DENND10: variants seen among roughly 807,000 people sequenced by gnomAD.
DENND10 encodes the protein DENN domain-containing protein 10.
Under a neutral mutation model 43.6 loss-of-function variants are expected in DENND10, and 24 were observed. The observed-to-expected ratio is 0.55, with a 90% confidence interval of 0.40 to 0.77. DENND10 has a LOEUF of 0.77. Among genes scored for constraint, DENND10 ranks in the 30% least tolerant of loss-of-function variants. The pLI is 0.00. For synonymous variants in DENND10, 125 were observed against 157.6 expected (o/e 0.79, Z 1.55); for missense variants, 303 against 429.9 (o/e 0.70, Z 2.61).
intron 2 of DENND10, among the ~76,000 whole-genome samples, chr10:119,109,547 T>C (rs1472154860): frequency 2.6e-5 from 4 of 151,912 alleles, no homozygotes; most frequent in African/African-American, 9.7e-5. Context: ...AGCAGGAAGG[T>C]AACAATTTAG....
At chr10:119,122,747 C>T (rs768409062) in intron 5 of DENND10, among the ~76,000 whole-genome samples, 3 of 152,028 alleles carry the variant, frequency 2.0e-5, no homozygotes, top group South Asian at 2.1e-4. Flanking sequence ...ACTTGGTTTG[C>T]GAGTTTTACT....
At chr10:119,121,699 C>T (rs12355539) in intron 5 of DENND10, among the ~76,000 whole-genome samples, 80,899 of 151,342 alleles carry the variant, frequency 0.53, 21,980 homozygotes, top group Middle Eastern at 0.66. Flanking sequence ...GTAATCTGCC[C>T]GTCTCGGCCT....
chr10:119,136,635 G>A lies in DENND10; in HGVS notation c.1062G>A (p.Met354Ile). The change falls in exon 9 of 9, where the codon ATG becomes ATA. Residue 354 changes from methionine to isoleucine, a missense_variant. By Grantham distance (10) the Met-to-Ile change is conservative. Transcript: ENST00000361432. ...ATCATCTAGCAGCAGCCGAACAAAT[G>A]CTGAAAATCTGACTGTGTGACAGAA... The part of the protein sequence containing the change: ...FLYHLAAAEQ[M>I]LKI 6.7e-7 allele frequency: 1 copy of A among 1,499,040 alleles called. No individual in the cohort carries two copies. Among genetic ancestry groups the A allele is most frequent in the Non-Finnish European group, 9.0e-7 (1 of 1,110,146 alleles). The allele number at this position is 1,499,040 out of a possible 1,614,324, so 92.9% of individuals were successfully genotyped here. A position where few individuals can be genotyped will look rare whatever the true frequency, so the allele number is the denominator to read the frequency against.
At chr10:119,125,509 T>TC (rs1845788224) in intron 6 of DENND10, among the ~76,000 whole-genome samples, 1 of 123,762 alleles carries the variant, frequency 8.1e-6, no homozygotes, top group Non-Finnish European at 1.6e-5. Flanking sequence ...TTCTTTTTTT[T>TC]TTTTTTTTTT....
intron 7 of DENND10, among the ~76,000 whole-genome samples, chr10:119,131,884 T>C (rs10886398): frequency 0.64 from 96,900 of 152,104 alleles, 31,415 homozygotes; most frequent in African/African-American, 0.73. Flanking sequence ...GTGGCCATCT[T>C]CCTGCTGCCC....
At chr10:119,119,883 A>G (rs1183389752) in intron 4 of DENND10, among the ~76,000 whole-genome samples, 2 of 152,108 alleles carry the variant, frequency 1.3e-5, no homozygotes, top group East Asian at 3.9e-4. Flanking sequence ...CTGACATAGG[A>G]TAGATCTACT....
rs1845354344 is a variant in DENND10, at chr10:119,117,636, C to T, written c.450C>T (p.Ala150=). 2 of 1,613,802 alleles carry T rather than the reference C, an allele frequency of 1.2e-6. No individual in the cohort carries two copies. Among genetic ancestry groups the T allele is most frequent in the African/African-American group, 1.3e-5 (1 of 74,880 alleles). Residue 150 remains alanine, a synonymous_variant, in exon 4 of 9, where the codon GCC becomes GCT. Transcript: ENST00000361432. ...CTTTCCTTAGTAAGGATTTTGATGC[C>T]CGAAAGGCCTACCTGGCTGGCTCCA... ...NGSFLSKDFD[A]RKAYLAGSIK...
chr10:119,107,560 C>T (rs753821803), intron 1 of DENND10, among the ~76,000 whole-genome samples: 5 of 151,912 alleles, frequency 3.3e-5, no homozygotes, highest in Non-Finnish European at 7.4e-5. Context: ...TGCCCCACCA[C>T]ACCCGGATAA....
At chr10:119,105,961 T>C (rs1258193782) in intron 1 of DENND10, among the ~76,000 whole-genome samples, 1 of 152,126 alleles carries the variant, frequency 6.6e-6, no homozygotes, top group Non-Finnish European at 1.5e-5. Flanking sequence ...TTTGGGAGGC[T>C]GAGGCAGGTG....
chr10:119,131,457 C>CAAATAAAT (rs367708148), intron 7 of DENND10, among the ~76,000 whole-genome samples: 1 of 151,926 alleles, frequency 6.6e-6, no homozygotes, highest in Non-Finnish European at 1.5e-5. Flanking sequence ...GACTCTGTCT[C>CAAATAAAT]AAATAAATAA....
intron 1 of DENND10, chr10:119,105,362 T>C (rs1054216468): frequency 6.3e-5 from 11 of 173,508 alleles, no homozygotes; most frequent in Admixed American, 2.5e-4. Flanking sequence ...ATCATCGCTC[T>C]CTGCAGCCTC....
chr10:119,115,150 C>G (rs139382172), intron 3 of DENND10, among the ~76,000 whole-genome samples: 1 of 152,050 alleles, frequency 6.6e-6, no homozygotes, highest in Non-Finnish European at 1.5e-5. Flanking sequence ...GGAGAATATG[C>G]AGTGAAAACT....
At chr10:119,125,501 CTTTTTT>C (rs34630434) in intron 6 of DENND10, among the ~76,000 whole-genome samples, 39 of 65,848 alleles carry the variant, frequency 5.9e-4, no homozygotes, top group African/African-American at 1.9e-3. Flanking sequence ...TTCTAGTTTT[CTTTTTT>C]TTTTTTTTTT....
In DENND10 at chr10:119,132,206, T is replaced by C. The variant is rs112704631; in HGVS notation, c.803-309T>C. On this transcript the variant is annotated intron_variant, in intron 7 of 8. Transcript: ENST00000361432. This position sits in a 1 kb window ranked among gnomAD's most constrained non-coding sequence, Gnocchi z 4.2. Reference sequence around the variant, plus strand: ...CTCTTGGCTTATAGTCATGACTTAGTTGTAGTCAGAATTGTTCATTATGCT... The same window carrying C: ...CTCTTGGCTTATAGTCATGACTTAGCTGTAGTCAGAATTGTTCATTATGCT... Among the ~76,000 whole-genome samples, 206 of 152,322 alleles carry C rather than the reference T, an allele frequency of 1.4e-3. No individual in the cohort carries two copies. The Middle Eastern group carries it at 0.034, about 25-fold the overall frequency.
At chr10:119,130,218 T>A (rs1445163860) in intron 7 of DENND10, among the ~76,000 whole-genome samples, 1 of 151,940 alleles carries the variant, frequency 6.6e-6, no homozygotes, top group African/African-American at 2.4e-5. Flanking sequence ...TGGAGTGCAA[T>A]GGCACGATCT....
At chr10:119,121,515 C>T (rs12355511) in intron 5 of DENND10, among the ~76,000 whole-genome samples, 81,061 of 144,130 alleles carry the variant, frequency 0.56, 22,922 homozygotes, top group Middle Eastern at 0.67. Context: ...GGTACAGTGG[C>T]GCGATCTTGG....
rs770499349 is a variant in DENND10, at chr10:119,132,719, G to A, written c.897+110G>A. On this transcript the variant is annotated intron_variant, in intron 8 of 8. Transcript: ENST00000361432. This position sits in a 1 kb window ranked among gnomAD's most constrained non-coding sequence, Gnocchi z 4.2. The stretch of plus-strand genomic sequence containing the variant: ...GTGGGGGGCTGTGGTAGAGGCCAGC[G>A]GGCAGGTGCTTAGAGAGGGTTTACA... The A allele has an allele frequency of 1.1e-5, 10 of 870,018 alleles. No homozygotes were observed. The East Asian group carries it at 1.2e-4, about 11-fold the overall frequency. 53.9% of individuals were successfully genotyped at this position (870,018 alleles called of 1,614,324 possible).
chr10:119,118,374 C>A (rs1018426177), intron 4 of DENND10, among the ~76,000 whole-genome samples: 1 of 152,188 alleles, frequency 6.6e-6, no homozygotes, highest in Non-Finnish European at 1.5e-5. Flanking sequence ...TTATCTCTGT[C>A]ATCTGAAGAG....
chr10:119,120,804 T>C (rs1247613958), intron 5 of DENND10, among the ~76,000 whole-genome samples: 4 of 152,214 alleles, frequency 2.6e-5, no homozygotes, highest in African/African-American at 9.7e-5. Flanking sequence ...TCAATGAAAT[T>C]TTATTTTCAA....
Sources: gnomAD v4.1 joint callset for allele counts (sites outside exome capture counted in the v4.1 genomes callset) on GRCh38, gnomAD v4.1.1 for gene constraint, Gnocchi (gnomAD v3.1) non-coding constraint, MANE v1.5 for transcripts, NCBI Gene and HGNC (gene_info 2026-07-23, HGNC 2026-07-21) for gene names.